ADAM12: variants seen among roughly 807,000 people sequenced by gnomAD.
ADAM12 encodes ADAM metallopeptidase domain 12.
Under a neutral mutation model 106.4 loss-of-function variants are expected in ADAM12, and 70 were observed. That is an observed-to-expected ratio of 0.66 (90% CI 0.54 to 0.80). The LOEUF (loss-of-function observed/expected upper bound fraction) is 0.80. Among genes scored for constraint, ADAM12 ranks in the 30% least tolerant of loss-of-function variants. The probability of loss-of-function intolerance (pLI) is 0.00; values close to 1 mark genes in which losing one functional copy is unlikely to be tolerated. For synonymous variants in ADAM12, 420 were observed against 433.5 expected (o/e 0.97, Z 0.39); for missense variants, 1,010 against 1,171.9 (o/e 0.86, Z 2.02).
At chr10:126,270,462 C>T (rs113854961) in intron 3 of ADAM12, among the ~76,000 whole-genome samples, 39 of 152,300 alleles carry the variant, frequency 2.6e-4, no homozygotes, top group African/African-American at 7.5e-4. Context: ...TCTAGCCACA[C>T]GTGGCTATTG....
intron 2 of ADAM12, among the ~76,000 whole-genome samples, chr10:126,292,829 A>G (rs893690483): frequency 6.6e-6 from 1 of 152,210 alleles, no homozygotes; most frequent in Non-Finnish European, 1.5e-5. Flanking sequence ...TATTCTTTTG[A>G]ATTTTTTTCT....
At chr10:126,337,641 A>C (rs1466109819) in intron 1 of ADAM12, among the ~76,000 whole-genome samples, 1 of 152,016 alleles carries the variant, frequency 6.6e-6, no homozygotes, top group Non-Finnish European at 1.5e-5. Flanking sequence ...CTCTGGCAAC[A>C]CCCTCCCAGA....
intron 4 of ADAM12, among the ~76,000 whole-genome samples, chr10:126,142,301 C>T (rs1172272778): frequency 3.3e-5 from 5 of 152,126 alleles, no homozygotes; most frequent in African/African-American, 7.2e-5. Flanking sequence ...GATTTACCCA[C>T]GTATTTACTG....
intron 17 of ADAM12, among the ~76,000 whole-genome samples, chr10:126,044,463 C>T (rs938527868): frequency 1.3e-5 from 2 of 152,120 alleles, no homozygotes; most frequent in African/African-American, 4.8e-5. Flanking sequence ...CTAAGGTTCC[C>T]TTCCACAAAA....
intron 21 of ADAM12, among the ~76,000 whole-genome samples, chr10:126,021,565 T>G (rs1192650446): frequency 6.6e-6 from 1 of 152,226 alleles, no homozygotes; most frequent in African/African-American, 2.4e-5. Flanking sequence ...AGAAGTGATA[T>G]TTCTACATTA....
At chr10:126,108,718 C>T (rs1238658827) in intron 7 of ADAM12, 54 bp from the exon 8 acceptor site, 4 of 1,487,212 alleles carry the variant, frequency 2.7e-6, no homozygotes, top group Non-Finnish European at 3.8e-6. Context: ...AATCACGTTT[C>T]ATCTTCCTGG....
intron 9 of ADAM12, among the ~76,000 whole-genome samples, chr10:126,100,198 G>A (rs576941851): frequency 1.6e-4 from 24 of 152,164 alleles, no homozygotes; most frequent in Non-Finnish European, 2.2e-4. Context: ...GGTTCCTAAC[G>A]GGTGATGCAT....
intron 2 of ADAM12, among the ~76,000 whole-genome samples, chr10:126,286,108 T>G (rs1959847065): frequency 6.6e-6 from 1 of 151,972 alleles, no homozygotes; most frequent in African/African-American, 2.4e-5. Context: ...AGTCCATAAA[T>G]GTAGCTTTGC....
At chr10:126,046,221 G>T in intron 16 of ADAM12, 89 bp from the exon 17 acceptor site, 1 of 1,235,426 alleles carries the variant, frequency 8.1e-7, no homozygotes. Context: ...CAAAAAGCAA[G>T]CAAAAGAAAG....
intron 3 of ADAM12, among the ~76,000 whole-genome samples, chr10:126,239,290 T>C (rs1474457916): frequency 2.0e-5 from 3 of 152,232 alleles, no homozygotes; most frequent in African/African-American, 7.2e-5. Flanking sequence ...ATTGTTTCCA[T>C]GTATCTATAA....
intron 2 of ADAM12, among the ~76,000 whole-genome samples, chr10:126,313,386 C>T (rs1030903413): frequency 6.6e-6 from 1 of 152,184 alleles, no homozygotes; most frequent in African/African-American, 2.4e-5. Context: ...AGGAGAGGGC[C>T]TTGGAAGGGC....
chr10:126,061,774 C>T (rs1954760489), intron 14 of ADAM12, among the ~76,000 whole-genome samples: 1 of 152,180 alleles, frequency 6.6e-6, no homozygotes, highest in African/African-American at 2.4e-5. Flanking sequence ...AACAGATGCT[C>T]CCCAGAGCCT....
intron 14 of ADAM12, among the ~76,000 whole-genome samples, chr10:126,061,062 C>T (rs1465990920): frequency 6.6e-6 from 1 of 152,200 alleles, no homozygotes; most frequent in Non-Finnish European, 1.5e-5. Context: ...TCCTCTTCCA[C>T]CCCTGGCAAA....
At chr10:126,298,537 T>C (rs888953222) in intron 2 of ADAM12, among the ~76,000 whole-genome samples, 5 of 152,062 alleles carry the variant, frequency 3.3e-5, no homozygotes, top group East Asian at 1.9e-4. Context: ...CAGAGACATA[T>C]GGGACATGGT....
At chr10:126,058,931 C>T (rs578090944) in intron 14 of ADAM12, among the ~76,000 whole-genome samples, 1 of 152,318 alleles carries the variant, frequency 6.6e-6, no homozygotes, top group South Asian at 2.1e-4. Context: ...GAAAGAATGA[C>T]AATGGTTTTC....
At position 126,015,476 on chromosome 10, in the gene ADAM12, G is replaced by T. The variant is rs1218472437; in HGVS notation, c.*1803C>A. The T allele has an allele frequency of 6.6e-6, 1 of 152,132 alleles. No individual in the cohort carries two copies. The highest frequency in any genetic ancestry group is 2.4e-5 in the African/African-American group (1 of 41,412). The allele number at this position is 152,132 out of a possible 1,614,324, so 9.4% of individuals were successfully genotyped here. A position where few individuals can be genotyped will look rare whatever the true frequency, so the allele number is the denominator to read the frequency against. On this transcript the variant is annotated 3_prime_UTR_variant, in exon 23 of 23. Coordinates refer to ENST00000448723, the MANE Select transcript of ADAM12 (RefSeq NM_001288973.2). ...TCTCAGCAGTATTATTTTCCAGCAT[G>T]GCTTTACATTTTAAAGAACTTAATA...
At chr10:126,387,643 A>C (rs912801989) in intron 1 of ADAM12, among the ~76,000 whole-genome samples, 8 of 152,064 alleles carry the variant, frequency 5.3e-5, no homozygotes, top group African/African-American at 1.7e-4. Context: ...GCTGGAAAGG[A>C]AACCTGGTGA....
At chr10:126,025,517 G>GTCA (rs1953854681) in intron 21 of ADAM12, among the ~76,000 whole-genome samples, 2 of 152,138 alleles carry the variant, frequency 1.3e-5, no homozygotes, top group African/African-American at 2.4e-5. Context: ...TGAACAGAAG[G>GTCA]TCTTGAGAAA....
chr10:126,015,943 G>A lies in ADAM12; in HGVS notation c.*1336C>T, dbSNP rs1014399197. The A allele has an allele frequency of 2.0e-5, 3 of 152,170 alleles. No individual in the cohort carries two copies. Among genetic ancestry groups the A allele is most frequent in the Non-Finnish European group, 4.4e-5 (3 of 68,036 alleles). 9.4% of individuals were successfully genotyped at this position (152,170 alleles called of 1,614,324 possible). A position where few individuals can be genotyped will look rare whatever the true frequency, so the allele number is the denominator to read the frequency against. On this transcript the variant is annotated 3_prime_UTR_variant, in exon 23 of 23. Transcript: ENST00000448723. ...ATTTGAAGAGTGAAGAGTTCAAGGG[G>A]ATGCTGCCCAAGCCAGCATCTCATA...
Sources: allele counts gnomAD v4.1 joint callset (sites outside exome capture counted in the v4.1 genomes callset), GRCh38; gene constraint gnomAD v4.1.1; transcripts MANE v1.5; gene names NCBI Gene and HGNC (gene_info 2026-07-23, HGNC 2026-07-21).